The following KSR2 variants were observed in gnomAD, a reference collection of about 807,000 sequenced individuals.
KSR2 encodes the protein kinase suppressor of ras 2.
Under a neutral mutation model 107.8 loss-of-function variants are expected in KSR2, and 25 were observed. The ratio of observed to expected loss-of-function variants is 0.23; its 90% CI spans 0.17 to 0.32. KSR2 has a LOEUF of 0.32. Ranked by LOEUF, KSR2 falls within the 10% of genes least tolerant of loss-of-function variation. The pLI is 1.00. For synonymous variants in KSR2, 480 were observed against 507.0 expected, an observed-to-expected ratio of 0.95 and a Z score of 0.71; for missense variants, 887 against 1,268.9, an observed-to-expected ratio of 0.70 and a Z score of 4.57.
At chr12:117,647,111 A>G (rs1218271503) in intron 5 of KSR2, among the ~76,000 whole-genome samples, 1 of 152,168 alleles carries the variant, frequency 6.6e-6, no homozygotes, top group Non-Finnish European at 1.5e-5. Flanking sequence ...AAGAGACTGG[A>G]TGATCCAGAC....
At chr12:117,493,034 G>T (rs1052800995) in intron 14 of KSR2, among the ~76,000 whole-genome samples, 1 of 152,126 alleles carries the variant, frequency 6.6e-6, no homozygotes, top group Admixed American at 6.5e-5. Flanking sequence ...GTTGTTTGTT[G>T]TTTCAAGCCA....
intron 3 of KSR2, among the ~76,000 whole-genome samples, chr12:117,850,043 A>T (rs1162367257): frequency 6.6e-6 from 1 of 152,248 alleles, no homozygotes; most frequent in African/African-American, 2.4e-5. Flanking sequence ...TTTTTAGAGT[A>T]AAGGAAAGCC....
chr12:117,705,292 C>G (rs1886478920), intron 4 of KSR2, among the ~76,000 whole-genome samples: 1 of 152,204 alleles, frequency 6.6e-6, no homozygotes, highest in South Asian at 2.1e-4. Context: ...GGAGAAGATC[C>G]ATCTCTCAAC....
chr12:117,963,962 C>T (rs1387260464), intron 1 of KSR2, among the ~76,000 whole-genome samples: 1 of 152,202 alleles, frequency 6.6e-6, no homozygotes, highest in Non-Finnish European at 1.5e-5. Flanking sequence ...AAATGTTTTC[C>T]CAGGTGTATC....
chr12:117,569,628 G>A (rs1878747314), intron 7 of KSR2, among the ~76,000 whole-genome samples: 1 of 152,148 alleles, frequency 6.6e-6, no homozygotes, highest in Non-Finnish European at 1.5e-5. Flanking sequence ...AAAGACCTAC[G>A]TCTATTGTAA....
chr12:117,801,837 G>A (rs1047185679), intron 3 of KSR2, among the ~76,000 whole-genome samples: 2 of 90,752 alleles, frequency 2.2e-5, no homozygotes, highest in Admixed American at 1.1e-4. Context: ...AGGAAGTACC[G>A]TGGGGGGAAG....
At position 117,469,811 on chromosome 12, in the gene KSR2, G is replaced by A. The variant is rs375800268; in HGVS notation, c.2713-16C>T. ...GAAGAATGTCCTAAATGAAACCAATGTGTGGTGATTACACATAAATGGTGA... is the reference window on the plus strand; with the variant it reads ...GAAGAATGTCCTAAATGAAACCAATATGTGGTGATTACACATAAATGGTGA... On this transcript the variant is annotated splice_polypyrimidine_tract_variant and intron_variant, in intron 18 of 19. Coordinates refer to ENST00000339824, the MANE Select transcript of KSR2 (RefSeq NM_173598.6). 6.2e-7 allele frequency: 1 copy of A among 1,613,300 alleles called. No homozygotes were observed. Among genetic ancestry groups the A allele is most frequent in the African/African-American group, 1.3e-5 (1 of 74,926 alleles).
At chr12:117,586,611 G>GAAAA in intron 5 of KSR2, among the ~76,000 whole-genome samples, 1 of 103,434 alleles carries the variant, frequency 9.7e-6, no homozygotes, top group Non-Finnish European at 1.9e-5. Flanking sequence ...AAGAAAGAAA[G>GAAAA]AAAAGAAAAA....
chr12:117,954,218 G>A (rs749243730), intron 1 of KSR2, among the ~76,000 whole-genome samples: 1 of 152,178 alleles, frequency 6.6e-6, no homozygotes, highest in Non-Finnish European at 1.5e-5. Context: ...GGGCAAAGAT[G>A]GGGCTGGACA....
intron 4 of KSR2, among the ~76,000 whole-genome samples, chr12:117,713,320 T>C (rs1886862936): frequency 2.0e-5 from 3 of 151,990 alleles, no homozygotes; most frequent in Admixed American, 2.0e-4. Context: ...AGATAATAGA[T>C]ACAGATATAT....
At chr12:117,740,892 T>C (rs558526194) in intron 4 of KSR2, among the ~76,000 whole-genome samples, 1 of 152,138 alleles carries the variant, frequency 6.6e-6, no homozygotes, top group Non-Finnish European at 1.5e-5. Context: ...AAAAGACTGA[T>C]GGATAGGCCA....
rs552663345 is a variant in KSR2, at chr12:117,772,556, G to A, written c.473-11032C>T. On this transcript the variant is annotated intron_variant, in intron 3 of 19. Transcript: ENST00000339824. ...ACATACACACCATTCCACCAAAGAC[G>A]CACAAACACACACTCATACACACAC... is the stretch of plus-strand genomic sequence containing the variant. Among the ~76,000 whole-genome samples, 32 of 90,254 alleles carry A rather than the reference G, an allele frequency of 3.5e-4. No individual in the cohort carries two copies. The East Asian group carries it at 7.2e-3, about 20-fold the overall frequency. 59.2% of individuals were successfully genotyped at this position (90,254 alleles called of 152,430 possible). A position where few individuals can be genotyped will look rare whatever the true frequency, so the allele number is the denominator to read the frequency against.
chr12:117,654,293 T>C (rs765905175), intron 5 of KSR2, among the ~76,000 whole-genome samples: 1 of 152,118 alleles, frequency 6.6e-6, no homozygotes, highest in East Asian at 1.9e-4. Flanking sequence ...AAGGCACAAG[T>C]AAGTTACATG....
chr12:117,889,804 G>C (rs1894285957), intron 1 of KSR2: 1 of 152,224 alleles, frequency 6.6e-6, no homozygotes, highest in South Asian at 2.1e-4. Flanking sequence ...TCACAACTTG[G>C]AAGATGGGGA....
chr12:117,554,777 T>C (rs1162373087), intron 9 of KSR2, among the ~76,000 whole-genome samples: 1 of 152,188 alleles, frequency 6.6e-6, no homozygotes, highest in African/African-American at 2.4e-5. Context: ...TTTTTCTTTA[T>C]GAATTACCCA....
chr12:117,653,121 C>G (rs1223322662), intron 5 of KSR2, among the ~76,000 whole-genome samples: 1 of 152,236 alleles, frequency 6.6e-6, no homozygotes, highest in East Asian at 1.9e-4. Flanking sequence ...GTGATTCTCA[C>G]CACATCCCTG....
chr12:117,685,864 T>G (rs967140672), intron 4 of KSR2, among the ~76,000 whole-genome samples: 3 of 152,040 alleles, frequency 2.0e-5, no homozygotes, highest in African/African-American at 7.3e-5. Context: ...TGTCATTACC[T>G]AAGTTACCTT....
chr12:117,926,245 T>G (rs956519450), intron 1 of KSR2, among the ~76,000 whole-genome samples: 5 of 152,058 alleles, frequency 3.3e-5, no homozygotes, highest in Non-Finnish European at 5.9e-5. Context: ...CCCAGCTCTC[T>G]CCCCATCCCA....
At position 117,812,279 on chromosome 12, in the gene KSR2, G is replaced by A. The variant is rs576087249; in HGVS notation, c.472+43149C>T. ...AAATAAAAGAACTTAAAATGTCTCC[G>A]TAAAAATATTTTATATTGATGACAT... On this transcript the variant is annotated intron_variant, in intron 3 of 19. Coordinates refer to ENST00000339824, the MANE Select transcript of KSR2 (RefSeq NM_173598.6). Among the ~76,000 whole-genome samples, 8 of 152,178 alleles carry A rather than the reference G, an allele frequency of 5.3e-5. No individual in the cohort carries two copies. The South Asian group carries it at 8.3e-4, about 16-fold the overall frequency.
Sources: allele counts gnomAD v4.1 joint callset (sites outside exome capture counted in the v4.1 genomes callset), GRCh38; gene constraint gnomAD v4.1.1; transcripts MANE v1.5; gene names NCBI Gene and HGNC (gene_info 2026-07-23, HGNC 2026-07-21).